The following SLIT3 variants were observed in gnomAD, a reference collection of about 807,000 sequenced individuals.
SLIT3 encodes the protein slit homolog 3 protein.
In SLIT3, 68 loss-of-function variants were observed where a neutral mutation model predicts 184.0. The observed-to-expected ratio is 0.37, with a 90% CI of 0.30 to 0.45. The LOEUF is 0.45. SLIT3 is among the 20% of genes least tolerant of loss of function. The pLI is 1.00. For missense variants in SLIT3, 1,707 were observed against 2,026.0 expected (o/e 0.84, Z 3.02); for synonymous variants, 831 against 828.6 (o/e 1.00, Z -0.05).
At chr5:168,713,339 A>G (rs938893590) in intron 23 of SLIT3, among the ~76,000 whole-genome samples, 10 of 152,226 alleles carry the variant, frequency 6.6e-5, no homozygotes, top group Non-Finnish European at 1.3e-4. Flanking sequence ...TAAGCCTTCC[A>G]CAAATGCCTG....
intron 15 of SLIT3, among the ~76,000 whole-genome samples, chr5:168,761,939 T>TTTTAA (rs1445012597): frequency 7.0e-6 from 1 of 143,580 alleles, no homozygotes; most frequent in Non-Finnish European, 1.5e-5. Flanking sequence ...TTTTTTTTTG[T>TTTTAA]AGAGACTGGG....
At chr5:168,903,396 G>C (rs921355183) in intron 4 of SLIT3, among the ~76,000 whole-genome samples, 7 of 152,150 alleles carry the variant, frequency 4.6e-5, no homozygotes, top group Admixed American at 2.0e-4. Flanking sequence ...AGTTATTTTG[G>C]CATTTTCTGA....
intron 4 of SLIT3, among the ~76,000 whole-genome samples, chr5:169,039,405 T>C (rs7716628): frequency 0.28 from 41,725 of 149,618 alleles, 7,695 homozygotes; most frequent in East Asian, 0.54. Context: ...CAAGCTCCAC[T>C]TCCCGGGTTC....
At chr5:168,866,603 G>A (rs1396731394) in intron 5 of SLIT3, among the ~76,000 whole-genome samples, 1 of 152,040 alleles carries the variant, frequency 6.6e-6, no homozygotes. Context: ...TTATTCTCAG[G>A]CCTCTTCACT....
intron 4 of SLIT3, among the ~76,000 whole-genome samples, chr5:168,955,750 G>T (rs1762805316): frequency 1.3e-5 from 2 of 152,244 alleles, no homozygotes; most frequent in South Asian, 4.1e-4. Flanking sequence ...GAAAGACTGT[G>T]TTGAGGCCAA....
At chr5:169,112,357 C>T (rs1322437897) in intron 4 of SLIT3, among the ~76,000 whole-genome samples, 1 of 152,182 alleles carries the variant, frequency 6.6e-6, no homozygotes, top group Non-Finnish European at 1.5e-5. Flanking sequence ...GGATCTGCCA[C>T]CTCTTGGCTG....
At chr5:169,250,014 G>A (rs1423553314) in intron 2 of SLIT3, among the ~76,000 whole-genome samples, 1 of 152,230 alleles carries the variant, frequency 6.6e-6, no homozygotes, top group African/African-American at 2.4e-5. Context: ...AAAATGGGTA[G>A]ACTATCATTG....
chr5:169,029,979 T>C (rs1300189879), intron 4 of SLIT3, among the ~76,000 whole-genome samples: 1 of 152,226 alleles, frequency 6.6e-6, no homozygotes, highest in African/African-American at 2.4e-5. Context: ...TGCTGTCCTC[T>C]GCCTTGTAAT....
At chr5:168,917,847 A>G (rs185138956) in intron 4 of SLIT3, among the ~76,000 whole-genome samples, 3 of 152,348 alleles carry the variant, frequency 2.0e-5, no homozygotes, top group Admixed American at 6.5e-5. Flanking sequence ...TCAAGCTAAT[A>G]CAATCTTCTC....
At chr5:169,127,752 G>A (rs1285099500) in intron 4 of SLIT3, among the ~76,000 whole-genome samples, 1 of 152,128 alleles carries the variant, frequency 6.6e-6, no homozygotes, top group Non-Finnish European at 1.5e-5. Flanking sequence ...TAGTTTTGTG[G>A]CCAAGTCAAA....
intron 3 of SLIT3, among the ~76,000 whole-genome samples, chr5:169,198,431 AC>A (rs1408988504): frequency 6.6e-6 from 1 of 152,210 alleles, no homozygotes; most frequent in Non-Finnish European, 1.5e-5. Context: ...GGGCCAGGAG[AC>A]AGGAGCATTT....
At chr5:169,095,678 C>A (rs1450386985) in intron 4 of SLIT3, among the ~76,000 whole-genome samples, 1 of 152,176 alleles carries the variant, frequency 6.6e-6, no homozygotes, top group African/African-American at 2.4e-5. Context: ...TGACTTCCCT[C>A]CCATGCATCA....
chr5:168,843,534 G>C (rs1758344101), intron 6 of SLIT3, among the ~76,000 whole-genome samples: 1 of 152,146 alleles, frequency 6.6e-6, no homozygotes, highest in Non-Finnish European at 1.5e-5. Flanking sequence ...ATTTGGAAAG[G>C]GGAAGTCACT....
chr5:169,143,848 T>C (rs998437658), intron 4 of SLIT3, among the ~76,000 whole-genome samples: 6 of 152,028 alleles, frequency 3.9e-5, no homozygotes, highest in Admixed American at 6.6e-5. Context: ...ATGCATGCAT[T>C]AATATATATC....
intron 3 of SLIT3, among the ~76,000 whole-genome samples, chr5:169,228,073 C>T (rs1395398033): frequency 1.3e-5 from 2 of 152,188 alleles, no homozygotes; most frequent in Non-Finnish European, 2.9e-5. Flanking sequence ...GATGGCCCTA[C>T]TGAATCAATT....
chr5:168,904,884 C>T (rs992818052), intron 4 of SLIT3, among the ~76,000 whole-genome samples: 1 of 152,046 alleles, frequency 6.6e-6, no homozygotes, highest in African/African-American at 2.4e-5. Context: ...TGGTGATATC[C>T]GGCTGGGTGT....
chr5:168,893,221 G>A (rs11134545), intron 4 of SLIT3, among the ~76,000 whole-genome samples: 50,350 of 152,060 alleles, frequency 0.33, 9,056 homozygotes, highest in East Asian at 0.59. Flanking sequence ...CAGGGAGCTT[G>A]TTCACCTGAT....
chr5:168,746,393 TG>T (rs1763813594), intron 20 of SLIT3, among the ~76,000 whole-genome samples: 1 of 65,342 alleles, frequency 1.5e-5, no homozygotes, highest in African/African-American at 6.8e-5. Flanking sequence ...TGTGGGTGTG[TG>T]GTGTCTGGTG....
chr5:168,907,979 T>TATATATAGAGAGAGAGAGAGAGAGAG (rs376418381), intron 4 of SLIT3, among the ~76,000 whole-genome samples: 2 of 50,088 alleles, frequency 4.0e-5, no homozygotes, highest in Admixed American at 5.2e-4. Flanking sequence ...TATATATATA[T>TATATATAGAGAGAGAGAGAGAGAGAG]AGAGAGAGAG....
Sources: allele counts gnomAD v4.1 joint callset (sites outside exome capture counted in the v4.1 genomes callset), GRCh38; gene constraint gnomAD v4.1.1; transcripts MANE v1.5; gene names NCBI Gene and HGNC (gene_info 2026-07-23, HGNC 2026-07-21).